LRRN1: variants seen among roughly 807,000 people sequenced by gnomAD.
LRRN1 encodes the protein leucine-rich repeat neuronal protein 1.
Under a neutral mutation model 45.8 loss-of-function variants are expected in LRRN1, and 14 were observed. The ratio of observed to expected loss-of-function variants is 0.31; its 90% confidence interval spans 0.20 to 0.48. The LOEUF (loss-of-function observed/expected upper bound fraction) is 0.48, where lower values mean the gene tolerates loss of function less well. Among genes scored for constraint, LRRN1 ranks in the 20% least tolerant of loss-of-function variants. The probability of loss-of-function intolerance (pLI) is 0.99; values close to 1 mark genes in which losing one functional copy is unlikely to be tolerated. For missense variants in LRRN1, 789 were observed against 874.2 expected, an observed-to-expected ratio of 0.90 and a Z score of 1.23; for synonymous variants, 359 against 330.1, an observed-to-expected ratio of 1.09 and a Z score of -0.95.
chr3:3,807,263 G>C (rs1201294848), intron 1 of LRRN1, among the ~76,000 whole-genome samples: 2 of 152,310 alleles, frequency 1.3e-5, no homozygotes, highest in South Asian at 2.1e-4. Flanking sequence ...AGTGCAGCTA[G>C]AGTTAGAAAA....
chr3:3,841,543 G>T (rs1290276540), intron 1 of LRRN1, among the ~76,000 whole-genome samples: 1 of 151,916 alleles, frequency 6.6e-6, no homozygotes, highest in East Asian at 1.9e-4. Flanking sequence ...TTTTAAGACA[G>T]GGTCTTGCTC....
chr3:3,826,985 C>T (rs191403156), intron 1 of LRRN1, among the ~76,000 whole-genome samples: 2 of 152,220 alleles, frequency 1.3e-5, no homozygotes, highest in Admixed American at 6.5e-5. Context: ...AAAAGGCATT[C>T]TCTACTGATT....
intron 1 of LRRN1, among the ~76,000 whole-genome samples, chr3:3,821,333 G>T (rs533337328): frequency 6.6e-6 from 1 of 152,306 alleles, no homozygotes; most frequent in South Asian, 2.1e-4. Context: ...GCTAGGCAGT[G>T]CAGACTGAAT....
chr3:3,815,156 G>A (rs1692963104), intron 1 of LRRN1, among the ~76,000 whole-genome samples: 1 of 152,054 alleles, frequency 6.6e-6, no homozygotes, highest in Non-Finnish European at 1.5e-5. Context: ...CAAAATGAAA[G>A]CATTCCTATT....
chr3:3,841,459 C>T (rs1305996803), intron 1 of LRRN1, among the ~76,000 whole-genome samples: 1 of 151,976 alleles, frequency 6.6e-6, no homozygotes, highest in African/African-American at 2.4e-5. Context: ...TAAACAGAAA[C>T]AAGAGTGAAA....
At chr3:3,831,521 A>C (rs1693374309) in intron 1 of LRRN1, among the ~76,000 whole-genome samples, 1 of 98,880 alleles carries the variant, frequency 1.0e-5, no homozygotes, top group Non-Finnish European at 2.1e-5. Context: ...CTCTCTGAAT[A>C]AGACTATGAC....
At chr3:3,811,919 G>C (rs1448006596) in intron 1 of LRRN1, among the ~76,000 whole-genome samples, 1 of 152,200 alleles carries the variant, frequency 6.6e-6, no homozygotes, top group Non-Finnish European at 1.5e-5. Context: ...AGACGGGTTT[G>C]AATCTCAACT....
rs1693810628 is a variant in LRRN1 at position 3,847,886 on chromosome 3, ATTG to A, written c.*1099_*1101del. Among the ~76,000 whole-genome samples, 1 of 152,104 alleles carries A rather than the reference ATTG, an allele frequency of 6.6e-6. No homozygotes were observed. Among genetic ancestry groups the A allele is most frequent in the East Asian group, 1.9e-4 (1 of 5,190 alleles). On this transcript the variant is annotated 3_prime_UTR_variant, in exon 2 of 2. Coordinates refer to ENST00000319331, the MANE Select transcript of LRRN1 (RefSeq NM_020873.7). ...GGTTCATATGAAGAAAAAAAGGTGT[ATTG>A]TTGTATCCCATGCATAAATAAAGGT...
intron 1 of LRRN1, among the ~76,000 whole-genome samples, chr3:3,824,665 G>A (rs1196123258): frequency 6.6e-6 from 1 of 152,166 alleles, no homozygotes; most frequent in African/African-American, 2.4e-5. Context: ...TCCCTAAATT[G>A]AGTGATGTTT....
chr3:3,838,058 C>A (rs892886714), intron 1 of LRRN1, among the ~76,000 whole-genome samples: 6 of 152,132 alleles, frequency 3.9e-5, no homozygotes, highest in Admixed American at 2.6e-4. Context: ...TTGCAAAGGA[C>A]ATGATCTTGT....
At chr3:3,821,062 G>T (rs1017083815) in intron 1 of LRRN1, among the ~76,000 whole-genome samples, 1 of 152,120 alleles carries the variant, frequency 6.6e-6, no homozygotes, top group Non-Finnish European at 1.5e-5. Flanking sequence ...AAAATATACA[G>T]ATATTCCCAG....
At chr3:3,834,563 A>T (rs1189521339) in intron 1 of LRRN1, among the ~76,000 whole-genome samples, 10 of 116,768 alleles carry the variant, frequency 8.6e-5, no homozygotes, top group Non-Finnish European at 1.1e-4. Context: ...TGATATATAT[A>T]TTATTATACA....
chr3:3,823,148 C>G (rs1416364711), intron 1 of LRRN1, among the ~76,000 whole-genome samples: 1 of 152,138 alleles, frequency 6.6e-6, no homozygotes, highest in Non-Finnish European at 1.5e-5. Context: ...GCTATAAATG[C>G]TCCCAGGTAG....
intron 1 of LRRN1, among the ~76,000 whole-genome samples, chr3:3,843,824 TC>T (rs1479985320): frequency 1.3e-5 from 2 of 152,272 alleles, no homozygotes; most frequent in Admixed American, 1.3e-4. Flanking sequence ...AAGAAAGACT[TC>T]CAGGAGACAA....
chr3:3,844,891 A>G lies in LRRN1; in HGVS notation c.250A>G (p.Ile84Val). 5 of 1,614,182 alleles carry G rather than the reference A, an allele frequency of 3.1e-6. No individual in the cohort carries two copies. Among genetic ancestry groups the G allele is most frequent in the Non-Finnish European group, 4.2e-6 (5 of 1,180,010 alleles). Residue 84 changes from isoleucine (I) to valine (V), a missense_variant, in exon 2 of 2, where the codon ATC (isoleucine) becomes GTC (valine). By Grantham distance (29) the Ile-to-Val change is conservative. Coordinates refer to ENST00000319331, the MANE Select transcript of LRRN1 (RefSeq NM_020873.7). ...AGTGCTTCTCTTACAGAGCAATAACATCGCAAAGACTGTGGATGAGCTGCA... is the reference window on the plus strand; with the variant it reads ...AGTGCTTCTCTTACAGAGCAATAACGTCGCAAAGACTGTGGATGAGCTGCA... ...TQVLLLQSNN[I>V]AKTVDELQQL...
chr3:3,799,558 C>A lies in LRRN1; in HGVS notation c.-640C>A, dbSNP rs1198810903. ...CCGACGGCGTCAGCCCGGGCGGCGG[C>A]ATCCCTAGGCGCCTGGGGCGCCTTC... On this transcript the variant is annotated 5_prime_UTR_variant, in exon 1 of 2. Coordinates refer to ENST00000319331, the MANE Select transcript of LRRN1 (RefSeq NM_020873.7). 2.6e-5 allele frequency: 4 copies of A among 152,210 alleles called. No individual in the cohort carries two copies. Among genetic ancestry groups the A allele is most frequent in the African/African-American group, 9.6e-5 (4 of 41,548 alleles). The allele number at this position is 152,210 out of a possible 1,614,324, so 9.4% of individuals were successfully genotyped here.
chr3:3,834,541 T>TATATATATATATATATATATG (rs1693457389), intron 1 of LRRN1, among the ~76,000 whole-genome samples: 3 of 114,134 alleles, frequency 2.6e-5, no homozygotes, highest in Non-Finnish European at 5.5e-5. Flanking sequence ...TATATATATA[T>TATATATATATATATATATATG]ATATATATAT....
At chr3:3,835,858 C>T (rs960124226) in intron 1 of LRRN1, among the ~76,000 whole-genome samples, 24 of 151,062 alleles carry the variant, frequency 1.6e-4, no homozygotes, top group Admixed American at 1.4e-3. Flanking sequence ...CCAAACATAT[C>T]GTGTTGGAAA....
chr3:3,836,888 A>G lies in LRRN1; in HGVS notation c.-278-7476A>G, dbSNP rs188449591. ...GGTTACATGTGGTTGGCCTGCTATT[A>G]AGAGGGGAAGATAGGATGGTATCTG... On this transcript the variant is annotated intron_variant, in intron 1 of 1. Coordinates refer to ENST00000319331, the MANE Select transcript of LRRN1 (RefSeq NM_020873.7). 9.5e-4 allele frequency among the ~76,000 whole-genome samples: 145 copies of G among 152,256 alleles called. 1 individual carries two copies. The South Asian group carries it at 0.022, about 23-fold the overall frequency.
Sources: allele counts gnomAD v4.1 joint callset (sites outside exome capture counted in the v4.1 genomes callset), GRCh38; gene constraint gnomAD v4.1.1; transcripts MANE v1.5; gene names NCBI Gene and HGNC (gene_info 2026-07-23, HGNC 2026-07-21).